Variants in ATAD3B observed in about 807,000 individuals in gnomAD.
ATAD3B encodes the protein ATPase family AAA domain-containing protein 3B.
ATAD3B carries 59 observed loss-of-function variants against 70.2 expected under a neutral mutation model. The observed-to-expected ratio is 0.84, with a 90% CI of 0.68 to 1.04. The LOEUF is 1.04. ATAD3B is among the 50% of genes least tolerant of loss of function. ATAD3B has a pLI of 0.00. For missense variants in ATAD3B, 961 were observed against 913.4 expected (o/e 1.05, Z -0.67); for synonymous variants, 423 against 388.6 (o/e 1.09, Z -1.04).
At chr1:1,500,670 C>T (rs1570295106), downstream of ATAD3B, among the ~76,000 whole-genome samples, 1 of 150,682 alleles carries the variant, frequency 6.6e-6, no homozygotes, top group African/African-American at 2.4e-5. Context: ...TCAGCCACTT[C>T]AGGCAGGGCG....
At chr1:1,475,186 G>T (rs918654662) in intron 1 of ATAD3B, among the ~76,000 whole-genome samples, 1 of 149,842 alleles carries the variant, frequency 6.7e-6, no homozygotes, top group Non-Finnish European at 1.5e-5. Flanking sequence ...GTGGTGGAGC[G>T]GGGCCCGGGG....
At chr1:1,474,163 G>A (rs1156665687) in intron 1 of ATAD3B, among the ~76,000 whole-genome samples, 1 of 151,636 alleles carries the variant, frequency 6.6e-6, no homozygotes, top group Non-Finnish European at 1.5e-5. Flanking sequence ...GGGACTGCAG[G>A]CTTGCTCGGT....
At chr1:1,474,170 C>T (rs1437992537) in intron 1 of ATAD3B, among the ~76,000 whole-genome samples, 15 of 151,138 alleles carry the variant, frequency 9.9e-5, no homozygotes, top group Middle Eastern at 3.4e-3. Context: ...CAGGCTTGCT[C>T]GGTAATTTTT....
intron 1 of ATAD3B, among the ~76,000 whole-genome samples, chr1:1,474,183 TTTTTC>T (rs918990200): frequency 6.8e-6 from 1 of 147,620 alleles, no homozygotes; most frequent in Non-Finnish European, 1.5e-5. Context: ...TAATTTTTCT[TTTTTC>T]TTTTCTTTTT....
At position 1,487,857 on chromosome 1, in the gene ATAD3B, T is replaced by C. The variant is rs187809296; in HGVS notation, c.1215-6T>C. On this transcript the variant is annotated splice_polypyrimidine_tract_variant and splice_region_variant and intron_variant, in intron 11 of 15. Coordinates refer to ENST00000673477, the MANE Select transcript of ATAD3B (RefSeq NM_031921.6). ...TCGCCTTGCTTGGCCTCTCTCTCGT[T>C]CACAGCCTCCTGCTCTTCATGGATG... The C allele has an allele frequency of 3.4e-4, 556 of 1,612,604 alleles. 5 individuals carry two copies. The African/African-American group carries it at 3.9e-3, about 11-fold the overall frequency.
At chr1:1,500,098 A>C (rs528854202), downstream of ATAD3B, among the ~76,000 whole-genome samples, 152 of 149,230 alleles carry the variant, frequency 1.0e-3, 2 homozygotes, top group Middle Eastern at 7.1e-3. Context: ...GGGTTTCACC[A>C]TGTTACCAAG....
chr1:1,484,689 G>A (rs1464307251), intron 7 of ATAD3B: 12 of 383,134 alleles, frequency 3.1e-5, no homozygotes, highest in African/African-American at 1.0e-4. Context: ...CATTTTTAGT[G>A]GCCAAGGATG....
Position 1,472,034 on chromosome 1 carries a change from C to T in ATAD3B, c.150C>T (p.Phe50=), listed in dbSNP as rs1174272410. Residue 50 remains phenylalanine, a synonymous_variant, in exon 1 of 16, where the codon TTC becomes TTT. Transcript: ENST00000673477. ...CGCCCAAGGACAAATGGAGCAACTT[C>T]GACCCCACCGGCCTGGAGCGCGCCG... is the stretch of plus-strand genomic sequence containing the variant. The part of the protein sequence containing the change: ...RPAPKDKWSN[F]DPTGLERAAK... 3.2e-6 allele frequency: 4 copies of T among 1,234,454 alleles called. No individual in the cohort carries two copies. Among genetic ancestry groups the T allele is most frequent in the Non-Finnish European group, 4.1e-6 (4 of 986,816 alleles). The allele number at this position is 1,234,454 out of a possible 1,614,324, so 76.5% of individuals were successfully genotyped here. A position where few individuals can be genotyped will look rare whatever the true frequency, so the allele number is the denominator to read the frequency against.
chr1:1,482,842 A>T, intron 7 of ATAD3B: 1 of 649,624 alleles, frequency 1.5e-6, no homozygotes, highest in Non-Finnish European at 2.7e-6. Flanking sequence ...CATCTCTACG[A>T]AGAATAAAAC....
the ATAD3B span, among the ~76,000 whole-genome samples, chr1:1,505,238 G>T: frequency 2.6e-5 from 4 of 152,164 alleles, no homozygotes; most frequent in Non-Finnish European, 5.9e-5. Context: ...GCCCTTCCCT[G>T]CCTGGCAGCC....
chr1:1,475,217 T>C (rs1639530156), intron 1 of ATAD3B, among the ~76,000 whole-genome samples: 1 of 149,172 alleles, frequency 6.7e-6, no homozygotes, highest in South Asian at 2.1e-4. Flanking sequence ...AGGTGCACCG[T>C]GGGGAGCCCT....
chr1:1,487,940 G>A (rs754319421), intron 12 of ATAD3B, 26 bp downstream of exon 12: 4 of 1,612,456 alleles, frequency 2.5e-6, no homozygotes, highest in Non-Finnish European at 1.7e-6. Flanking sequence ...CCTCTGTCTG[G>A]CCACAGGAGG....
chr1:1,487,801 A>G lies in ATAD3B; in HGVS notation c.1215-62A>G, dbSNP rs1309482330. On this transcript the variant is annotated intron_variant, in intron 11 of 15. Transcript: ENST00000673477. ...CCTGGCCTGCTCCTGCCGCGGCCGG[A>G]CGCTGCTGTGGGCTGCTCCTGGCGT... is the stretch of plus-strand genomic sequence containing the variant. 1.3e-5 allele frequency: 20 copies of G among 1,594,486 alleles called. No individual in the cohort carries two copies. In the South Asian group the frequency reaches 2.2e-4, roughly 18 times the overall value.
intron 13 of ATAD3B, chr1:1,489,748 T>C (rs145783063): frequency 0.013 from 17,570 of 1,307,918 alleles, 500 homozygotes; most frequent in African/African-American, 0.059. Flanking sequence ...TGGCTGACTC[T>C]TCAGGCACGT....
At chr1:1,490,081 G>T in intron 13 of ATAD3B, 176 bp from the exon 14 acceptor site, 1 of 1,421,314 alleles carries the variant, frequency 7.0e-7, no homozygotes, top group East Asian at 2.6e-5. Context: ...GCGTGGTGGG[G>T]CAGGCAGGCG....
chr1:1,503,490 C>T, the ATAD3B span: 9 of 1,259,562 alleles, frequency 7.1e-6, no homozygotes, highest in Non-Finnish European at 9.0e-6. Context: ...CGAGGCGTGG[C>T]CGTGGATTCC....
In ATAD3B at chr1:1,482,315, C is replaced by T. The variant is rs552903578; in HGVS notation, c.680+12C>T. 57 of 1,544,174 alleles carry T rather than the reference C, an allele frequency of 3.7e-5. 1 individual carries two copies. In the East Asian group the frequency reaches 6.7e-4, roughly 18 times the overall value. ...TTGGAGTCCATCAGGTGAGCACTGC[C>T]CAGGCCCGGGCCGGCCACAGATGGA... is the stretch of plus-strand genomic sequence containing the variant. On this transcript the variant is annotated intron_variant, in intron 6 of 15. Coordinates refer to ENST00000673477, the MANE Select transcript of ATAD3B (RefSeq NM_031921.6).
chr1:1,494,440 C>T (rs1159182487), intron 15 of ATAD3B, among the ~76,000 whole-genome samples: 11 of 151,396 alleles, frequency 7.3e-5, no homozygotes, highest in African/African-American at 1.7e-4. Flanking sequence ...GGTGCGGCTC[C>T]GGTCAGTGTC....
chr1:1,486,820 G>A lies in ATAD3B; in HGVS notation c.1214+152G>A, dbSNP rs549675857. ...GAGGCCCAATGGAGGGTCCCTCGGA[G>A]GGAAAGTCCCCTGAGTGTGGACCCT... On this transcript the variant is annotated intron_variant, in intron 11 of 15. Transcript: ENST00000673477. 2.1e-5 allele frequency: 31 copies of A among 1,469,988 alleles called. No individual in the cohort carries two copies. The Admixed American group carries it at 6.0e-4, about 28-fold the overall frequency. 91.1% of individuals were successfully genotyped at this position (1,469,988 alleles called of 1,614,324 possible). A position where few individuals can be genotyped will look rare whatever the true frequency, so the allele number is the denominator to read the frequency against.
Sources: gnomAD v4.1 joint callset for allele counts (sites outside exome capture counted in the v4.1 genomes callset) on GRCh38, gnomAD v4.1.1 for gene constraint, MANE v1.5 for transcripts, NCBI Gene and HGNC (gene_info 2026-07-23, HGNC 2026-07-21) for gene names.